RPS5: variants seen among roughly 807,000 people sequenced by gnomAD.
RPS5 encodes the protein small ribosomal subunit protein uS7.
RPS5 carries 2 observed loss-of-function variants against 20.9 expected under a neutral mutation model. That is an observed-to-expected ratio of 0.10 (90% CI 0.04 to 0.30). RPS5 has a LOEUF of 0.30. Among genes scored for constraint, RPS5 ranks in the 10% least tolerant of loss-of-function variants. RPS5 has a pLI of 1.00. For synonymous variants in RPS5, 112 were observed against 105.8 expected (o/e 1.06, Z -0.36); for missense variants, 122 against 287.2 (o/e 0.42, Z 4.16).
chr19:58,388,798 T>A (rs1230492546), intron 2 of RPS5, among the ~76,000 whole-genome samples: 5 of 152,044 alleles, frequency 3.3e-5, no homozygotes, highest in African/African-American at 9.7e-5. Context: ...CTGATTTTTT[T>A]TTTTTTATTT....
intron 1 of RPS5, chr19:58,387,727 T>C: frequency 4.3e-6 from 1 of 231,852 alleles, no homozygotes; most frequent in Non-Finnish European, 8.8e-6. Context: ...CCGTGGTCCT[T>C]GATGTCATAT....
At chr19:58,393,722 C>CTG (rs10655523) in intron 4 of RPS5, 225,533 of 532,764 alleles carry the variant, frequency 0.42, 50,775 homozygotes, top group African/African-American at 0.55. Context: ...TATTTTTACA[C>CTG]TGTGTGTATA....
intron 5 of RPS5, 22 bp downstream of exon 5, chr19:58,394,617 G>A (rs1182065103): frequency 1.2e-6 from 2 of 1,613,420 alleles, no homozygotes; most frequent in East Asian, 4.5e-5. Context: ...CACTCCGGTT[G>A]GGGGGTCTTA....
Position 58,393,716 on chromosome 19 carries a change from T to C in RPS5, c.447+229T>C. On this transcript the variant is annotated intron_variant, in intron 4 of 5. Transcript: ENST00000196551. Reference sequence around the variant, plus strand: ...TCTTTCTTTCCTTTGGGTGTATATTTTTACACTGTGTGTATATGTACTTTT... The same window carrying C: ...TCTTTCTTTCCTTTGGGTGTATATTCTTACACTGTGTGTATATGTACTTTT... 7.4e-6 allele frequency: 4 copies of C among 542,056 alleles called. No homozygotes were observed. In the South Asian group the frequency reaches 9.7e-5, roughly 13 times the overall value. The allele number at this position is 542,056 out of a possible 1,614,324, so 33.6% of individuals were successfully genotyped here.
intron 2 of RPS5, among the ~76,000 whole-genome samples, chr19:58,390,188 G>T (rs1367221760): frequency 6.6e-6 from 1 of 150,468 alleles, no homozygotes; most frequent in African/African-American, 2.5e-5. Flanking sequence ...GAGCCACCAC[G>T]CCTGGCGTTA....
Position 58,394,586 on chromosome 19 carries a change from T to C in RPS5, c.537T>C (p.Asn179=). The change falls in exon 5 of 6, where the codon AAT becomes AAC. Residue 179 remains asparagine (N), a synonymous_variant. Coordinates refer to ENST00000196551, the MANE Select transcript of RPS5 (RefSeq NM_001009.4). Reference sequence around the variant, plus strand: ...AGTGCCTGGCAGATGAGCTCATCAATGCTGCCAAGGTGGGTGAGGGCACTC... The same window carrying C: ...AGTGCCTGGCAGATGAGCTCATCAACGCTGCCAAGGTGGGTGAGGGCACTC... The part of the protein sequence containing the change: ...IAECLADELI[N]AAKGSSNSYA... 4 of 1,614,080 alleles carry C rather than the reference T, an allele frequency of 2.5e-6. No individual in the cohort carries two copies. The highest frequency in any genetic ancestry group is 3.4e-6 in the Non-Finnish European group (4 of 1,179,952).
chr19:58,390,927 T>G (rs2052359172), intron 2 of RPS5, among the ~76,000 whole-genome samples: 1 of 152,208 alleles, frequency 6.6e-6, no homozygotes, highest in Non-Finnish European at 1.5e-5. Context: ...CATCATTCCT[T>G]GTATTTGTAG....
intron 2 of RPS5, among the ~76,000 whole-genome samples, chr19:58,392,373 C>T (rs1202176557): frequency 6.6e-6 from 1 of 151,852 alleles, no homozygotes; most frequent in Non-Finnish European, 1.5e-5. Flanking sequence ...TGCCTGTAAT[C>T]CCAACACTTT....
chr19:58,389,898 T>G (rs1458333922), intron 2 of RPS5, among the ~76,000 whole-genome samples: 1 of 151,900 alleles, frequency 6.6e-6, no homozygotes, highest in Admixed American at 6.6e-5. Context: ...ATTTTAATTA[T>G]TTATTTATTT....
At position 58,394,698 on chromosome 19, in the gene RPS5, A is replaced by T; in HGVS notation, c.563A>T (p.Tyr188Phe). The T allele has an allele frequency of 6.2e-7, 1 of 1,614,108 alleles. No homozygotes were observed. The highest frequency in any genetic ancestry group is 8.5e-7 in the Non-Finnish European group (1 of 1,180,028). Residue 188 changes from tyrosine (Y) to phenylalanine (F), a missense_variant, in exon 6 of 6, where the codon TAT becomes TTT. Coordinates refer to ENST00000196551, the MANE Select transcript of RPS5 (RefSeq NM_001009.4). The part of the protein sequence containing the change: ...INAAKGSSNS[Y>F]AIKKKDELER... The stretch of plus-strand genomic sequence containing the variant: ...TCCTTGCAGGGCTCCTCGAACTCCT[A>T]TGCCATTAAGAAGAAGGACGAGCTG...
At position 58,394,553 on chromosome 19, in the gene RPS5, C is replaced by T. The variant is rs774049229; in HGVS notation, c.504C>T (p.Thr168=). 3 of 1,613,986 alleles carry T rather than the reference C, an allele frequency of 1.9e-6. No homozygotes were observed. The highest frequency in any genetic ancestry group is 2.5e-6 in the Non-Finnish European group (3 of 1,180,032). ...AGGCTGCCTTCCGGAACATTAAGAC[C>T]ATTGCTGAGTGCCTGGCAGATGAGC... ...AREAAFRNIK[T]IAECLADELI... is the part of the protein sequence containing the mutation. The change falls in exon 5 of 6, where the codon ACC becomes ACT. Residue 168 remains threonine (T), a synonymous_variant. Transcript: ENST00000196551.
At chr19:58,387,976 T>C in intron 1 of RPS5, 161 bp from the exon 2 acceptor site, 1 of 603,298 alleles carries the variant, frequency 1.7e-6, no homozygotes, top group East Asian at 2.8e-5. Flanking sequence ...AGCTGAGTAA[T>C]TTTTCTAGTG....
intron 4 of RPS5, chr19:58,393,732 A>G: frequency 4.3e-6 from 2 of 469,738 alleles, no homozygotes; most frequent in South Asian, 8.4e-5. Context: ...CTGTGTGTAT[A>G]TGTACTTTTT....
Position 58,392,644 on chromosome 19 carries a change from C to T in RPS5, c.109-332C>T, listed in dbSNP as rs374799955. On this transcript the variant is annotated intron_variant, in intron 2 of 5. Transcript: ENST00000196551. ...AAAAAAAAAAAAACTGAAGGGGTTG[C>T]CAGTGGCATACCAGATGGCTGTTAA... Among the ~76,000 whole-genome samples, 153 of 151,742 alleles carry T rather than the reference C, an allele frequency of 1.0e-3. No individual in the cohort carries two copies. The Middle Eastern group carries it at 0.01, about 10-fold the overall frequency.
intron 2 of RPS5, among the ~76,000 whole-genome samples, chr19:58,391,437 A>AC (rs1357082486): frequency 6.7e-6 from 1 of 149,742 alleles, no homozygotes; most frequent in African/African-American, 2.5e-5. Context: ...CATCTCAAAA[A>AC]AAAAAAAAAA....
Position 58,387,686 on chromosome 19 carries a change from C to T in RPS5, c.-2+347C>T, listed in dbSNP as rs765425068. On this transcript the variant is annotated intron_variant, in intron 1 of 5. Transcript: ENST00000196551. ...TCATACTGTCGGTCAAGAATCGAAA[C>T]CTTTGGGTTGATTGTGCCACACGGT... The T allele has an allele frequency of 1.6e-4, 28 of 172,604 alleles. 1 individual carries two copies. The highest frequency in any genetic ancestry group is 4.5e-4 in the Admixed American group (8 of 17,608). The allele number at this position is 172,604 out of a possible 1,614,324, so 10.7% of individuals were successfully genotyped here.
rs1224803966 is a variant in RPS5 at position 58,387,297 on chromosome 19, T to G, written c.-44T>G. ...TTCCTGTCTGTACCAGGGCGGCGCG[T>G]GGTCTACGCCGAGTGACAGAGACGC... On this transcript the variant is annotated 5_prime_UTR_variant, in exon 1 of 6. Coordinates refer to ENST00000196551, the MANE Select transcript of RPS5 (RefSeq NM_001009.4). 2 of 152,252 alleles carry G rather than the reference T, an allele frequency of 1.3e-5. No individual in the cohort carries two copies. Among genetic ancestry groups the G allele is most frequent in the African/African-American group, 4.8e-5 (2 of 41,462 alleles). 9.4% of individuals were successfully genotyped at this position (152,252 alleles called of 1,614,324 possible). A position where few individuals can be genotyped will look rare whatever the true frequency, so the allele number is the denominator to read the frequency against.
At chr19:58,391,895 C>T (rs568416455) in intron 2 of RPS5, among the ~76,000 whole-genome samples, 121 of 152,220 alleles carry the variant, frequency 7.9e-4, no homozygotes, top group African/African-American at 2.7e-3. Flanking sequence ...CACTGCCCTC[C>T]AGCCTGGAAG....
chr19:58,394,217 T>TA, intron 4 of RPS5: 1 of 418,134 alleles, frequency 2.4e-6, no homozygotes. Flanking sequence ...CCCGAAGTGT[T>TA]ACAGGCGCAA....
Sources: allele counts gnomAD v4.1 joint callset (sites outside exome capture counted in the v4.1 genomes callset), GRCh38; gene constraint gnomAD v4.1.1; transcripts MANE v1.5; gene names NCBI Gene and HGNC (gene_info 2026-07-23, HGNC 2026-07-21).